The following NEK11 variants were observed in gnomAD, a reference collection of about 807,000 sequenced individuals.
The protein encoded by NEK11 is NIMA related kinase 11.
A neutral mutation model predicts 80.7 loss-of-function variants in NEK11; 72 were observed. The observed-to-expected ratio is 0.89, with a 90% confidence interval of 0.74 to 1.08. NEK11 has a LOEUF of 1.08. Among genes scored for constraint, NEK11 ranks in the 50% least tolerant of loss-of-function variants. The pLI is 0.00. For synonymous variants in NEK11, 251 were observed against 260.7 expected, an observed-to-expected ratio of 0.96 and a Z score of 0.36; for missense variants, 764 against 763.6, an observed-to-expected ratio of 1.00 and a Z score of -0.01.
intron 16 of NEK11, among the ~76,000 whole-genome samples, chr3:131,269,797 C>T (rs1049794783): frequency 1.3e-5 from 2 of 152,202 alleles, no homozygotes; most frequent in Non-Finnish European, 2.9e-5. Flanking sequence ...GCTTCATGGA[C>T]GTGAGACCAG....
At chr3:131,255,112 GAA>G (rs1481704445) in intron 16 of NEK11, among the ~76,000 whole-genome samples, 5 of 150,560 alleles carry the variant, frequency 3.3e-5, no homozygotes, top group Admixed American at 6.6e-5. Flanking sequence ...AAGAAAGAAA[GAA>G]AGAAAGAAAG....
At position 131,162,393 on chromosome 3, in the gene NEK11, C is replaced by A. The variant is rs369864165; in HGVS notation, c.963-15C>A. 32 of 1,609,912 alleles carry A rather than the reference C, an allele frequency of 2.0e-5. No homozygotes were observed. The African/African-American group carries it at 4.3e-4, about 22-fold the overall frequency. ...TTGGGATGGGCTATATGAGGGGAAT[C>A]TTTGTTATTTATAGGCAAAAAAGGA... On this transcript the variant is annotated splice_polypyrimidine_tract_variant and intron_variant, in intron 10 of 17. Coordinates refer to ENST00000383366, the MANE Select transcript of NEK11 (RefSeq NM_024800.5).
intron 4 of NEK11, among the ~76,000 whole-genome samples, chr3:131,081,150 G>T (rs2075209828): frequency 6.6e-6 from 1 of 152,072 alleles, no homozygotes. Flanking sequence ...TACTGCAGAA[G>T]AATGCATCAA....
intron 16 of NEK11, among the ~76,000 whole-genome samples, chr3:131,246,332 C>A (rs1260715290): frequency 6.6e-6 from 1 of 151,996 alleles, no homozygotes; most frequent in African/African-American, 2.4e-5. Flanking sequence ...TTAGCTCTCA[C>A]ATGAGTGAGA....
intron 3 of NEK11, among the ~76,000 whole-genome samples, chr3:131,063,742 G>A (rs13060454): frequency 1.4e-3 from 219 of 152,244 alleles, no homozygotes; most frequent in Middle Eastern, 0.014. Context: ...CCTTGAGCTT[G>A]AGGAAATCAT....
intron 3 of NEK11, among the ~76,000 whole-genome samples, chr3:131,064,971 G>C (rs144407957): frequency 6.6e-6 from 1 of 152,328 alleles, no homozygotes; most frequent in East Asian, 1.9e-4. Flanking sequence ...GGTAGAGACA[G>C]TGTGTCCCAG....
chr3:131,058,399 A>C (rs1191336502), intron 3 of NEK11, among the ~76,000 whole-genome samples: 17 of 150,026 alleles, frequency 1.1e-4, no homozygotes, highest in South Asian at 2.1e-4. Flanking sequence ...TATGAACTTT[A>C]AAGTAGTTTT....
At chr3:131,344,018 C>G in intron 17 of NEK11, among the ~76,000 whole-genome samples, 1 of 152,272 alleles carries the variant, frequency 6.6e-6, no homozygotes, top group African/African-American at 2.4e-5. Context: ...TTCTCTCCCC[C>G]AAAAAAGCTT....
chr3:131,097,477 A>T (rs531323585), intron 4 of NEK11, among the ~76,000 whole-genome samples: 1 of 151,900 alleles, frequency 6.6e-6, no homozygotes, highest in Non-Finnish European at 1.5e-5. Context: ...GCATTTCTCT[A>T]ATGGCCAGTG....
At chr3:131,146,824 T>C (rs1185513649) in intron 7 of NEK11, among the ~76,000 whole-genome samples, 1 of 152,144 alleles carries the variant, frequency 6.6e-6, no homozygotes, top group Non-Finnish European at 1.5e-5. Context: ...CGTCTTCTCA[T>C]GACTTTTGGC....
intron 10 of NEK11, among the ~76,000 whole-genome samples, chr3:131,160,102 G>A (rs1050128047): frequency 5.3e-5 from 8 of 152,106 alleles, no homozygotes; most frequent in African/African-American, 1.9e-4. Flanking sequence ...TTCACAAGAA[G>A]ATCATCCCCC....
chr3:131,087,862 C>A (rs1032302290), intron 4 of NEK11: 2 of 152,140 alleles, frequency 1.3e-5, no homozygotes, highest in Non-Finnish European at 2.9e-5. Context: ...AGAACAACTG[C>A]TTATAGTCCT....
intron 16 of NEK11, among the ~76,000 whole-genome samples, chr3:131,264,804 C>A (rs2096013791): frequency 6.6e-6 from 1 of 152,146 alleles, no homozygotes; most frequent in South Asian, 2.1e-4. Flanking sequence ...TTACCTTGGG[C>A]AGTATGGCCA....
intron 15 of NEK11, among the ~76,000 whole-genome samples, chr3:131,235,220 G>A (rs1419582655): frequency 6.6e-6 from 1 of 152,140 alleles, no homozygotes; most frequent in African/African-American, 2.4e-5. Flanking sequence ...GGTGAGAGTG[G>A]TGAGACACAG....
At chr3:131,328,467 G>A (rs892399021) in intron 17 of NEK11, 1 of 152,112 alleles carries the variant, frequency 6.6e-6, no homozygotes, top group African/African-American at 2.4e-5. Flanking sequence ...TAGTTGGGGA[G>A]CAATCTTGAA....
chr3:131,346,805 C>A (rs1011177849), intron 17 of NEK11, among the ~76,000 whole-genome samples: 5 of 151,964 alleles, frequency 3.3e-5, no homozygotes, highest in Non-Finnish European at 5.9e-5. Context: ...GAGTAGGAGG[C>A]TTGAAATCAA....
chr3:131,324,131 C>T (rs2096929870), intron 17 of NEK11, among the ~76,000 whole-genome samples: 2 of 152,146 alleles, frequency 1.3e-5, no homozygotes, highest in Non-Finnish European at 1.5e-5. Flanking sequence ...GCAGGGACAG[C>T]TGGGGATTTA....
intron 14 of NEK11, among the ~76,000 whole-genome samples, chr3:131,222,017 C>T (rs1358590852): frequency 6.6e-6 from 1 of 151,914 alleles, no homozygotes. Flanking sequence ...TCTGATTCTC[C>T]CAGCTCCCTT....
rs768799271 is a variant in NEK11, at chr3:131,109,827, C to T, written c.361C>T (p.Gln121Ter). The change falls in exon 5 of 18, where the codon CAG becomes TAG. Residue 121 changes from glutamine (Q) to a stop codon, truncating the protein, a stop_gained. Transcript: ENST00000383366. LOFTEE classifies it high-confidence loss of function. ...CEGRDLDDKI[Q>*]EYKQAGKIFP... ...GGGCCGAGATCTGGACGATAAAATTCAGGAATATAAACAAGCTGGAAAAAT... is the reference window on the plus strand; with the variant it reads ...GGGCCGAGATCTGGACGATAAAATTTAGGAATATAAACAAGCTGGAAAAAT... 1 of 1,601,580 alleles carries T rather than the reference C, an allele frequency of 6.2e-7. No homozygotes were observed. The highest frequency in any genetic ancestry group is 8.5e-7 in the Non-Finnish European group (1 of 1,176,122).
Sources: allele counts gnomAD v4.1 joint callset (sites outside exome capture counted in the v4.1 genomes callset), GRCh38; gene constraint gnomAD v4.1.1; transcripts MANE v1.5; gene names NCBI Gene and HGNC (gene_info 2026-07-23, HGNC 2026-07-21).